The following PCDHGA4 variants were observed in gnomAD, a reference collection of about 807,000 sequenced individuals.
PCDHGA4 encodes protocadherin gamma subfamily A, 4, also known as protocadherin gamma-A4.
PCDHGA4 carries 38 observed loss-of-function variants against 54.6 expected under a neutral mutation model. That is an observed-to-expected ratio of 0.70 (90% CI 0.54 to 0.91). The LOEUF is 0.91. Among genes scored for constraint, PCDHGA4 ranks in the 40% least tolerant of loss-of-function variants. The pLI is 0.00. For synonymous variants in PCDHGA4, 511 were observed against 512.9 expected (o/e 1.00, Z 0.05); for missense variants, 1,298 against 1,220.9 (o/e 1.06, Z -0.94).
rs143278253 is a variant in PCDHGA4 at position 141,476,491 on chromosome 5, C to T, written c.2515-18316C>T. 9.5e-5 allele frequency: 153 copies of T among 1,613,894 alleles called. No individual in the cohort carries two copies. The highest frequency in any genetic ancestry group is 5.4e-5 in the Non-Finnish European group (64 of 1,180,020). On this transcript the variant is annotated intron_variant, in intron 1 of 3. Transcript: ENST00000571252. This position sits in a 1 kb window ranked among gnomAD's most constrained non-coding sequence, Gnocchi z 7.6. ...AGCTGTTCAGCGTGGAAGTGGTGAT[C>T]CAGGACATCAACGACAACAATCCTG... is the stretch of plus-strand genomic sequence containing the variant.
intron 1 of PCDHGA4, chr5:141,364,246 G>C (rs918034939): frequency 6.8e-7 from 1 of 1,464,914 alleles, no homozygotes; most frequent in African/African-American, 1.4e-5. Flanking sequence ...ATTTTCGTCA[G>C]GGAATATGTA....
chr5:141,357,343 A>C lies in PCDHGA4; in HGVS notation c.2236A>C (p.Lys746Gln). 1 of 1,614,080 alleles carries C rather than the reference A, an allele frequency of 6.2e-7. No individual in the cohort carries two copies. The highest frequency in any genetic ancestry group is 8.5e-7 in the Non-Finnish European group (1 of 1,179,944). Reference sequence around the variant, plus strand: ...TTTTGTCACGGTGCTGCTAGCACTCAAGCTGAGACGCTGGCACAAGTCACG... The same window carrying C: ...TTTTGTCACGGTGCTGCTAGCACTCCAGCTGAGACGCTGGCACAAGTCACG... The part of the protein sequence containing the change: ...LAFVTVLLAL[K>Q]LRRWHKSRLL... Residue 746 changes from lysine (K) to glutamine (Q), a missense_variant, in exon 1 of 4, where the codon AAG becomes CAG. Physicochemically the swap from Lys to Gln is moderately conservative, Grantham distance 53 (BLOSUM62 1). Coordinates refer to ENST00000571252, the MANE Select transcript of PCDHGA4 (RefSeq NM_018917.4).
rs1377364370 is a variant in PCDHGA4, at chr5:141,477,489, C to T, written c.2515-17318C>T. 1 of 1,614,048 alleles carries T rather than the reference C, an allele frequency of 6.2e-7. No homozygotes were observed. Among genetic ancestry groups the T allele is most frequent in the Non-Finnish European group, 8.5e-7 (1 of 1,180,044 alleles). On this transcript the variant is annotated intron_variant, in intron 1 of 3. Coordinates refer to ENST00000571252, the MANE Select transcript of PCDHGA4 (RefSeq NM_018917.4). This position sits in a 1 kb window ranked among gnomAD's most constrained non-coding sequence, Gnocchi z 4.9. ...ATCAATGACAACCCTCCACAATCTT[C>T]TCAATCTTCCTACGACGTTTACATT...
At chr5:141,393,970 C>T (rs746781669) in intron 1 of PCDHGA4, 5 of 1,613,870 alleles carry the variant, frequency 3.1e-6, no homozygotes, top group Middle Eastern at 3.3e-4. Flanking sequence ...GTCTGTTACA[C>T]ACGTGATAAT....
intron 2 of PCDHGA4, among the ~76,000 whole-genome samples, chr5:141,504,704 A>G (rs965376942): frequency 1.3e-5 from 2 of 151,356 alleles, no homozygotes; most frequent in African/African-American, 4.8e-5. Flanking sequence ...AGGTTCTTCT[A>G]TGGCCGTGGA....
chr5:141,393,126 A>T, intron 1 of PCDHGA4: 1 of 1,613,436 alleles, frequency 6.2e-7, no homozygotes, highest in Non-Finnish European at 8.5e-7. Context: ...GTGTCTGATA[A>T]ATATTAACAC....
chr5:141,433,357 G>GCCTA, intron 1 of PCDHGA4: 1 of 569,056 alleles, frequency 1.8e-6, no homozygotes, highest in Non-Finnish European at 3.1e-6. Context: ...CCTACTGTCT[G>GCCTA]CCTATCTATC....
chr5:141,387,207 T>A (rs986621045), intron 1 of PCDHGA4, among the ~76,000 whole-genome samples: 1 of 152,136 alleles, frequency 6.6e-6, no homozygotes, highest in Non-Finnish European at 1.5e-5. Flanking sequence ...TTACTGATAC[T>A]CTCCGGAAAA....
At chr5:141,372,987 AGT>A in intron 1 of PCDHGA4, 1 of 640,932 alleles carries the variant, frequency 1.6e-6, no homozygotes, top group Non-Finnish European at 2.6e-6. Flanking sequence ...TCTGTGTTGC[AGT>A]TGTTCTTTCA....
chr5:141,400,780 T>C, intron 1 of PCDHGA4: 1 of 566,270 alleles, frequency 1.8e-6, no homozygotes, highest in Non-Finnish European at 3.1e-6. Context: ...TGGTGCGTTT[T>C]TTTGTCCTCT....
chr5:141,427,704 G>C (rs2097059746), intron 1 of PCDHGA4: 2 of 966,116 alleles, frequency 2.1e-6, no homozygotes, highest in Non-Finnish European at 3.2e-6. Context: ...ACAAGTCAGC[G>C]CCTCTGACCT....
rs1759710362 is a variant in PCDHGA4 at position 141,355,086 on chromosome 5, G to A, written c.-22G>A. On this transcript the variant is annotated 5_prime_UTR_variant, in exon 1 of 4. Coordinates refer to ENST00000571252, the MANE Select transcript of PCDHGA4 (RefSeq NM_018917.4). ...AGCTTTATGAAAGCTTCAAGCGGAA[G>A]CCCTGAGAGCTCTGGCTGTGAATGC... is the stretch of plus-strand genomic sequence containing the variant. The A allele has an allele frequency of 6.9e-7, 1 of 1,449,620 alleles. No homozygotes were observed. Among genetic ancestry groups the A allele is most frequent in the Non-Finnish European group, 9.2e-7 (1 of 1,086,696 alleles). The allele number at this position is 1,449,620 out of a possible 1,614,324, so 89.8% of individuals were successfully genotyped here. A position where few individuals can be genotyped will look rare whatever the true frequency, so the allele number is the denominator to read the frequency against.
intron 1 of PCDHGA4, chr5:141,427,998 C>G: frequency 6.2e-7 from 1 of 1,600,956 alleles, no homozygotes; most frequent in Non-Finnish European, 8.6e-7. Context: ...TGGCTCCGCA[C>G]TCTTCGATAT....
intron 1 of PCDHGA4, chr5:141,415,483 A>G: frequency 6.2e-7 from 1 of 1,614,212 alleles, no homozygotes; most frequent in South Asian, 1.1e-5. Context: ...CTCGCGAAAG[A>G]GTCACCTGAT....
chr5:141,405,149 G>T (rs1469979881), intron 1 of PCDHGA4: 4 of 1,614,038 alleles, frequency 2.5e-6, no homozygotes, highest in Non-Finnish European at 3.4e-6. Context: ...TGATGGGTTG[G>T]CTGGTGTGCC....
chr5:141,432,997 G>A lies in PCDHGA4; in HGVS notation c.2515-61810G>A, dbSNP rs778828769. ...CGCACTTTGTGGGCGTGGACGGGGT[G>A]CAGGCTTTCCTGCAGACCTATTCCC... is the stretch of plus-strand genomic sequence containing the variant. On this transcript the variant is annotated intron_variant, in intron 1 of 3. Coordinates refer to ENST00000571252, the MANE Select transcript of PCDHGA4 (RefSeq NM_018917.4). This position sits in a 1 kb window ranked among gnomAD's most constrained non-coding sequence, Gnocchi z 6.0. 5 of 1,614,082 alleles carry A rather than the reference G, an allele frequency of 3.1e-6. No homozygotes were observed. In the Admixed American group the frequency reaches 8.3e-5, roughly 27 times the overall value.
In PCDHGA4 at chr5:141,431,184, T is replaced by G. The variant is rs754537015; in HGVS notation, c.2515-63623T>G. The G allele has an allele frequency of 5.6e-6, 9 of 1,614,090 alleles. No homozygotes were observed. Among genetic ancestry groups the G allele is most frequent in the Non-Finnish European group, 6.8e-6 (8 of 1,180,050 alleles). ...CGTGAAAGTGAATTAGAAATAAAAA[T>G]TAGTGAAAATGCAGCCACTGAGATG... On this transcript the variant is annotated intron_variant, in intron 1 of 3. Transcript: ENST00000571252. The surrounding 1 kb of genome is among the most constrained non-coding windows in gnomAD (Gnocchi z 4.8).
chr5:141,395,157 C>G, intron 1 of PCDHGA4: 2 of 1,614,174 alleles, frequency 1.2e-6, no homozygotes, highest in Non-Finnish European at 1.7e-6. Context: ...GCTCATCAGT[C>G]AGGAGGGCTG....
At chr5:141,442,974 A>C (rs1444888648) in intron 1 of PCDHGA4, among the ~76,000 whole-genome samples, 1 of 152,176 alleles carries the variant, frequency 6.6e-6, no homozygotes, top group Non-Finnish European at 1.5e-5. Flanking sequence ...CTGGCTGATA[A>C]AGTTAGCCTA....
Sources: gnomAD v4.1 joint callset for allele counts (sites outside exome capture counted in the v4.1 genomes callset) on GRCh38, gnomAD v4.1.1 for gene constraint, Gnocchi (gnomAD v3.1) non-coding constraint, MANE v1.5 for transcripts, NCBI Gene and HGNC (gene_info 2026-07-23, HGNC 2026-07-21) for gene names.